PDXDC1: variants seen among roughly 807,000 people sequenced by gnomAD.
PDXDC1 encodes pyridoxal-dependent decarboxylase domain-containing protein 1.
Under a neutral mutation model 100.1 loss-of-function variants are expected in PDXDC1, and 42 were observed. That is an observed-to-expected ratio of 0.42 (90% CI 0.33 to 0.54). The LOEUF (loss-of-function observed/expected upper bound fraction) is 0.54. Ranked by LOEUF, PDXDC1 falls within the 20% of genes least tolerant of loss-of-function variation. The pLI is 0.10. For missense variants in PDXDC1, 636 were observed against 979.2 expected, an observed-to-expected ratio of 0.65 and a Z score of 4.68; for synonymous variants, 260 against 371.7, an observed-to-expected ratio of 0.70 and a Z score of 3.46.
At chr16:15,097,011 C>T (rs2151839720) in intron 16 of PDXDC1, among the ~76,000 whole-genome samples, 1 of 152,238 alleles carries the variant, frequency 6.6e-6, no homozygotes, top group South Asian at 2.1e-4. Context: ...CCTGTAATGC[C>T]AGAGCTTTGG....
At chr16:15,008,033 G>A (rs2040933451) in intron 6 of PDXDC1, among the ~76,000 whole-genome samples, 1 of 152,286 alleles carries the variant, frequency 6.6e-6, no homozygotes, top group African/African-American at 2.4e-5. Context: ...TGGCTTATAG[G>A]GTAGGGGGCT....
downstream of PDXDC1, among the ~76,000 whole-genome samples, chr16:15,039,601 A>T (rs995583708): frequency 1.3e-5 from 2 of 152,208 alleles, no homozygotes; most frequent in Non-Finnish European, 2.9e-5. Flanking sequence ...GTCCAAAAGA[A>T]TGCATAGTCC....
chr16:15,022,555 A>G lies in PDXDC1; in HGVS notation c.1090-149A>G. ...TGAATATTTACAGTTGTTGAAATAC[A>G]AAAACAGGTGGCTGAACTTAGAAAC... On this transcript the variant is annotated intron_variant, in intron 12 of 22. Coordinates refer to ENST00000396410, the MANE Select transcript of PDXDC1 (RefSeq NM_015027.4). 8.0e-6 allele frequency: 5 copies of G among 622,246 alleles called. No homozygotes were observed. In the South Asian group the frequency reaches 9.5e-5, roughly 12 times the overall value. The allele number at this position is 622,246 out of a possible 1,614,324, so 38.5% of individuals were successfully genotyped here.
At chr16:15,148,921 T>G in the PDXDC1 span, among the ~76,000 whole-genome samples, 1 of 152,174 alleles carries the variant, frequency 6.6e-6, no homozygotes, top group Non-Finnish European at 1.5e-5. Context: ...CTTGTCCACA[T>G]TTTTGTCCAC....
chr16:14,990,146 C>T (rs1232842281), intron 1 of PDXDC1: 13 of 1,407,082 alleles, frequency 9.2e-6, no homozygotes, highest in Admixed American at 2.7e-5. Context: ...CCTTGAGCCC[C>T]TGCTGTAGCC....
chr16:14,978,919 A>G (rs187213969), intron 1 of PDXDC1, among the ~76,000 whole-genome samples: 2 of 152,292 alleles, frequency 1.3e-5, no homozygotes, highest in Non-Finnish European at 2.9e-5. Context: ...GCATGGCAGC[A>G]TGCTTAGCAG....
downstream of PDXDC1, chr16:15,041,110 G>T: frequency 1.3e-6 from 2 of 1,567,492 alleles, no homozygotes; most frequent in Non-Finnish European, 1.8e-6. Flanking sequence ...TTTTCTTCCC[G>T]GTCATTTAAT....
rs554959787 is a variant in PDXDC1, at chr16:15,037,733, G to A, written c.*1458G>A. ...ATCTTATTACAAAAGACTTACCCACGTACCTGAAATAGCTGCCGATAGACC... is the reference window on the plus strand; with the variant it reads ...ATCTTATTACAAAAGACTTACCCACATACCTGAAATAGCTGCCGATAGACC... On this transcript the variant is annotated 3_prime_UTR_variant, in exon 23 of 23. Coordinates refer to ENST00000396410, the MANE Select transcript of PDXDC1 (RefSeq NM_015027.4). 1.6e-3 allele frequency: 408 copies of A among 261,090 alleles called. 3 individuals carry two copies. Among genetic ancestry groups the A allele is most frequent in the Non-Finnish European group, 1.4e-3 (193 of 140,232 alleles). 16.2% of individuals were successfully genotyped at this position (261,090 alleles called of 1,614,324 possible). A position where few individuals can be genotyped will look rare whatever the true frequency, so the allele number is the denominator to read the frequency against.
chr16:15,068,614 T>C (rs1280075133), intron 16 of PDXDC1, among the ~76,000 whole-genome samples: 4 of 152,208 alleles, frequency 2.6e-5, no homozygotes, highest in Admixed American at 2.6e-4. Flanking sequence ...TGTGATTTGG[T>C]TTCAGCTAAC....
At chr16:14,997,220 AC>A (rs1413871421) in intron 1 of PDXDC1, among the ~76,000 whole-genome samples, 1 of 152,266 alleles carries the variant, frequency 6.6e-6, no homozygotes, top group Non-Finnish European at 1.5e-5. Context: ...AGATAGGTGT[AC>A]ACATGGCACT....
chr16:15,109,813 C>T lies in PDXDC1; in HGVS notation c.1400-29066C>T, dbSNP rs1201001975. 3.6e-5 allele frequency among the ~76,000 whole-genome samples: 5 copies of T among 140,152 alleles called. 1 individual carries two copies. The highest frequency in any genetic ancestry group is 7.9e-5 in the Non-Finnish European group (5 of 63,568). 91.9% of individuals were successfully genotyped at this position (140,152 alleles called of 152,430 possible). On this transcript the variant is annotated intron_variant, in intron 16 of 16. Transcript: ENST00000535621. ...GCAGTGAGCCAAGATTGCACCACAG[C>T]ACTCCAGCCTGGGCGACAGAGCGAG...
At chr16:15,023,366 T>A (rs1597588436) in intron 13 of PDXDC1, among the ~76,000 whole-genome samples, 2 of 152,412 alleles carry the variant, frequency 1.3e-5, no homozygotes, top group Admixed American at 6.5e-5. Context: ...GAAATATATG[T>A]CAAATTCTGA....
chr16:14,979,368 C>T (rs750205937), intron 1 of PDXDC1, among the ~76,000 whole-genome samples: 8 of 152,388 alleles, frequency 5.2e-5, no homozygotes, highest in Non-Finnish European at 7.3e-5. Context: ...CTGCTCACTG[C>T]AACCTCTGCT....
At chr16:15,132,556 A>T (rs1012804054) in intron 16 of PDXDC1, among the ~76,000 whole-genome samples, 95 of 150,800 alleles carry the variant, frequency 6.3e-4, no homozygotes, top group African/African-American at 6.6e-4. Context: ...GACAGCAGAA[A>T]GGCTGAGGCT....
At chr16:15,020,108 T>C (rs1354021853) in intron 12 of PDXDC1, among the ~76,000 whole-genome samples, 1 of 88,914 alleles carries the variant, frequency 1.1e-5, no homozygotes, top group Non-Finnish European at 2.0e-5. Context: ...CGAGGCTCCG[T>C]CTCAAAAAAA....
At chr16:15,140,220 G>A (rs993835083), downstream of PDXDC1, among the ~76,000 whole-genome samples, 1 of 151,188 alleles carries the variant, frequency 6.6e-6, no homozygotes, top group African/African-American at 2.4e-5. Flanking sequence ...TGAGGCGGGC[G>A]GATCACCTGA....
chr16:15,050,427 G>A (rs1000969056), intron 16 of PDXDC1, among the ~76,000 whole-genome samples: 1 of 152,054 alleles, frequency 6.6e-6, no homozygotes, highest in Non-Finnish European at 1.5e-5. Context: ...TTAGGTTAGC[G>A]CTCACTTAAT....
At chr16:15,084,452 A>C (rs779602032) in intron 16 of PDXDC1, among the ~76,000 whole-genome samples, 9 of 149,770 alleles carry the variant, frequency 6.0e-5, no homozygotes, top group Non-Finnish European at 1.3e-4. Flanking sequence ...ACTTTGAAAA[A>C]CAATTAAAGA....
At chr16:15,030,226 C>A (rs1467673521) in intron 16 of PDXDC1, among the ~76,000 whole-genome samples, 170 bp downstream of exon 16, 2 of 152,196 alleles carry the variant, frequency 1.3e-5, no homozygotes, top group East Asian at 1.9e-4. Flanking sequence ...ATGTAACTTA[C>A]CAGAATCAGA....
Sources: gnomAD v4.1 joint callset for allele counts (sites outside exome capture counted in the v4.1 genomes callset) on GRCh38, gnomAD v4.1.1 for gene constraint, MANE v1.5 for transcripts, NCBI Gene and HGNC (gene_info 2026-07-23, HGNC 2026-07-21) for gene names.